CLVS2: variants seen among roughly 807,000 people sequenced by gnomAD.
The protein encoded by CLVS2 is clavesin-2.
Under a neutral mutation model 29.0 loss-of-function variants are expected in CLVS2, and 19 were observed. The observed-to-expected ratio is 0.66, with a 90% CI of 0.46 to 0.96. The LOEUF (loss-of-function observed/expected upper bound fraction) is 0.96, where lower values mean the gene tolerates loss of function less well. CLVS2 is among the 40% of genes least tolerant of loss of function. CLVS2 has a pLI of 0.00. For synonymous variants in CLVS2, 161 were observed against 151.3 expected, an observed-to-expected ratio of 1.06 and a Z score of -0.47; for missense variants, 294 against 404.1, an observed-to-expected ratio of 0.73 and a Z score of 2.34.
At chr6:123,044,785 C>G (rs1358598924) in intron 3 of CLVS2, among the ~76,000 whole-genome samples, 1 of 152,152 alleles carries the variant, frequency 6.6e-6, no homozygotes, top group Non-Finnish European at 1.5e-5. Flanking sequence ...ACTTGGGAAG[C>G]TATGTGGCCT....
At chr6:123,030,093 C>T (rs1019306161) in intron 3 of CLVS2, among the ~76,000 whole-genome samples, 1 of 152,214 alleles carries the variant, frequency 6.6e-6, no homozygotes, top group Non-Finnish European at 1.5e-5. Flanking sequence ...AAAAGAAGTA[C>T]AGTTTATCAC....
At chr6:123,004,950 CAAAAAA>C (rs61607272) in intron 2 of CLVS2, among the ~76,000 whole-genome samples, 6 of 148,480 alleles carry the variant, frequency 4.0e-5, no homozygotes, top group Non-Finnish European at 7.5e-5. Context: ...AAACAAAAAA[CAAAAAA>C]AAAAAAAACC....
chr6:123,012,278 A>C (rs975797153), intron 3 of CLVS2, among the ~76,000 whole-genome samples: 1 of 151,954 alleles, frequency 6.6e-6, no homozygotes, highest in Admixed American at 6.6e-5. Flanking sequence ...ATCATATAGA[A>C]TCAGTCCTAA....
intron 4 of CLVS2, among the ~76,000 whole-genome samples, chr6:123,053,131 G>A (rs1772640490): frequency 6.6e-6 from 1 of 152,136 alleles, no homozygotes; most frequent in Non-Finnish European, 1.5e-5. Flanking sequence ...TGGATCATGA[G>A]GTCAGGAGAT....
intron 3 of CLVS2, among the ~76,000 whole-genome samples, chr6:123,014,578 AC>A (rs1168560119): frequency 6.6e-6 from 1 of 152,086 alleles, no homozygotes; most frequent in East Asian, 1.9e-4. Flanking sequence ...ATTCATTTAT[AC>A]CAATTTTCAA....
At chr6:123,041,913 A>G (rs1339896883) in intron 3 of CLVS2, among the ~76,000 whole-genome samples, 1 of 152,202 alleles carries the variant, frequency 6.6e-6, no homozygotes, top group Non-Finnish European at 1.5e-5. Context: ...AGATTTTAGC[A>G]TCTGAGAGGG....
chr6:123,051,008 CAT>C (rs1382358757), intron 4 of CLVS2, among the ~76,000 whole-genome samples: 1 of 152,086 alleles, frequency 6.6e-6, no homozygotes, highest in Non-Finnish European at 1.5e-5. Context: ...TGGAAATTTT[CAT>C]ATGAGAAAAT....
At chr6:122,998,681 T>G (rs952144335) in intron 2 of CLVS2, among the ~76,000 whole-genome samples, 10 of 152,182 alleles carry the variant, frequency 6.6e-5, no homozygotes, top group African/African-American at 2.2e-4. Flanking sequence ...GGAAGTTCTC[T>G]GTTTGGTGAT....
chr6:123,065,341 G>A lies in CLVS2; in HGVS notation c.*1580G>A, dbSNP rs1772837821. 1 of 151,738 alleles carries A rather than the reference G, an allele frequency of 6.6e-6. No individual in the cohort carries two copies. Among genetic ancestry groups the A allele is most frequent in the African/African-American group, 2.4e-5 (1 of 41,376 alleles). 9.4% of individuals were successfully genotyped at this position (151,738 alleles called of 1,614,324 possible). On this transcript the variant is annotated 3_prime_UTR_variant, in exon 6 of 6. Transcript: ENST00000275162. ...CTCTTGGAAACCAACAAAAATAAAG[G>A]CATGTGTCAGCCTTCATATTTTTTG...
intron 3 of CLVS2, among the ~76,000 whole-genome samples, chr6:123,020,298 G>A (rs1774901575): frequency 6.6e-6 from 1 of 151,994 alleles, no homozygotes; most frequent in South Asian, 2.1e-4. Context: ...GATCTGAAAT[G>A]TTTCAACAAT....
intron 3 of CLVS2, among the ~76,000 whole-genome samples, chr6:123,016,779 C>T (rs1774840769): frequency 6.6e-6 from 1 of 152,120 alleles, no homozygotes; most frequent in South Asian, 2.1e-4. Flanking sequence ...AATCAATTCA[C>T]TGGTCCTTTC....
At chr6:123,044,403 G>A (rs10214926) in intron 3 of CLVS2, among the ~76,000 whole-genome samples, 2,296 of 152,222 alleles carry the variant, frequency 0.015, 19 homozygotes, top group Middle Eastern at 0.048. Flanking sequence ...TTGAGGACGT[G>A]CCTGGGAAAA....
rs370322077 is a variant in CLVS2 at position 123,066,982 on chromosome 6, A to G, written c.*3221A>G. On this transcript the variant is annotated 3_prime_UTR_variant, in exon 6 of 6. Coordinates refer to ENST00000275162, the MANE Select transcript of CLVS2 (RefSeq NM_001010852.4). Reference sequence around the variant, plus strand: ...AAAACGATATACGAGTATTAAACAGAGTTTTGCAAGCAAGTTTTTGAAGTG... The same window carrying G: ...AAAACGATATACGAGTATTAAACAGGGTTTTGCAAGCAAGTTTTTGAAGTG... 3.3e-5 allele frequency: 5 copies of G among 151,846 alleles called. 1 individual carries two copies. The South Asian group carries it at 1.0e-3, about 31-fold the overall frequency. 9.4% of individuals were successfully genotyped at this position (151,846 alleles called of 1,614,324 possible).
chr6:123,048,777 A>T, intron 4 of CLVS2, 45 bp downstream of exon 4: 3 of 1,106,580 alleles, frequency 2.7e-6, no homozygotes, highest in Non-Finnish European at 4.2e-6. Flanking sequence ...CCGCCATCCA[A>T]TGAATTATAA....
In CLVS2 at chr6:123,067,188, T is replaced by A. The variant is rs1772875691; in HGVS notation, c.*3427T>A. The A allele has an allele frequency of 6.6e-6, 1 of 151,694 alleles. No homozygotes were observed. Among genetic ancestry groups the A allele is most frequent in the Non-Finnish European group, 1.5e-5 (1 of 67,722 alleles). The allele number at this position is 151,694 out of a possible 1,614,324, so 9.4% of individuals were successfully genotyped here. On this transcript the variant is annotated 3_prime_UTR_variant, in exon 6 of 6. Coordinates refer to ENST00000275162, the MANE Select transcript of CLVS2 (RefSeq NM_001010852.4). ...AGCTTTTTTAATACTGTTAACTAGG[T>A]CATATTGTTAAACATGTGAAGCGTC...
chr6:123,021,461 T>G (rs146252715), intron 3 of CLVS2, among the ~76,000 whole-genome samples: 1 of 152,178 alleles, frequency 6.6e-6, no homozygotes, highest in Non-Finnish European at 1.5e-5. Flanking sequence ...CCTCTGATTT[T>G]TTTTGGTGTT....
In CLVS2 at chr6:123,070,595, T is replaced by A. The variant is rs961955076; in HGVS notation, c.*6834T>A. 5 of 152,002 alleles carry A rather than the reference T, an allele frequency of 3.3e-5. No homozygotes were observed. The highest frequency in any genetic ancestry group is 6.6e-5 in the Admixed American group (1 of 15,222). The allele number at this position is 152,002 out of a possible 1,614,324, so 9.4% of individuals were successfully genotyped here. A position where few individuals can be genotyped will look rare whatever the true frequency, so the allele number is the denominator to read the frequency against. On this transcript the variant is annotated 3_prime_UTR_variant, in exon 6 of 6. Coordinates refer to ENST00000275162, the MANE Select transcript of CLVS2 (RefSeq NM_001010852.4). ...CCCTCTGAAAGAGTAAAAGCCGATGTCTTTATATCAGTGTATGAGAAGTCT... is the reference window on the plus strand; with the variant it reads ...CCCTCTGAAAGAGTAAAAGCCGATGACTTTATATCAGTGTATGAGAAGTCT...
chr6:123,055,651 G>A (rs1337665106), intron 4 of CLVS2, among the ~76,000 whole-genome samples, 155 bp from the exon 5 acceptor site: 1 of 152,130 alleles, frequency 6.6e-6, no homozygotes, highest in East Asian at 1.9e-4. Context: ...TACCAGCTCT[G>A]CCTGTTTTAC....
intron 3 of CLVS2, among the ~76,000 whole-genome samples, chr6:123,017,088 A>ATG (rs61643251): frequency 0.031 from 4,640 of 149,170 alleles, 79 homozygotes; most frequent in Non-Finnish European, 0.038. Context: ...GCATGTGTGT[A>ATG]TGTGTGTGTG....
Sources: gnomAD v4.1 joint callset for allele counts (sites outside exome capture counted in the v4.1 genomes callset) on GRCh38, gnomAD v4.1.1 for gene constraint, MANE v1.5 for transcripts, NCBI Gene and HGNC (gene_info 2026-07-23, HGNC 2026-07-21) for gene names.